NFIA: variants seen among roughly 807,000 people sequenced by gnomAD.
The protein encoded by NFIA is nuclear factor I A.
In NFIA, 8 loss-of-function variants were observed where a neutral mutation model predicts 62.8. That is an observed-to-expected ratio of 0.13 (90% confidence interval 0.07 to 0.23). The LOEUF is 0.23. Among genes scored for constraint, NFIA ranks in the 10% least tolerant of loss-of-function variants. NFIA has a pLI of 1.00. For missense variants in NFIA, 410 were observed against 642.1 expected, an observed-to-expected ratio of 0.64 and a Z score of 3.91; for synonymous variants, 235 against 238.1, an observed-to-expected ratio of 0.99 and a Z score of 0.12.
intron 2 of NFIA, among the ~76,000 whole-genome samples, chr1:61,110,713 T>G (rs150000901): frequency 2.6e-5 from 4 of 152,210 alleles, no homozygotes; most frequent in African/African-American, 9.6e-5. Flanking sequence ...CTGATAAGTT[T>G]CTTACCATGG....
intron 6 of NFIA, among the ~76,000 whole-genome samples, chr1:61,379,107 TATAAC>T (rs1227961598): frequency 6.6e-6 from 1 of 152,178 alleles, no homozygotes; most frequent in African/African-American, 2.4e-5. Flanking sequence ...TGCGGTATAA[TATAAC>T]CTATTCACAA....
chr1:61,359,821 C>A (rs779751429), intron 6 of NFIA, among the ~76,000 whole-genome samples: 4 of 152,050 alleles, frequency 2.6e-5, no homozygotes, highest in African/African-American at 4.8e-5. Context: ...TTAAAAGAGA[C>A]GGGGTTTCAC....
chr1:61,400,920 C>A (rs1665527215), intron 7 of NFIA, among the ~76,000 whole-genome samples: 1 of 152,178 alleles, frequency 6.6e-6, no homozygotes, highest in South Asian at 2.1e-4. Context: ...AGAAGAGAAA[C>A]AAAGTTAGGC....
At chr1:61,310,689 T>TG (rs764475928) in intron 3 of NFIA, among the ~76,000 whole-genome samples, 32 of 152,134 alleles carry the variant, frequency 2.1e-4, no homozygotes, top group Non-Finnish European at 4.0e-4. Flanking sequence ...ACGTGCCACT[T>TG]GCCTTCTTTC....
chr1:61,319,490 C>A (rs1410236158), intron 3 of NFIA, among the ~76,000 whole-genome samples: 1 of 151,992 alleles, frequency 6.6e-6, no homozygotes, highest in African/African-American at 2.4e-5. Flanking sequence ...GAAGTAAGAT[C>A]CCCACTTTAA....
intron 2 of NFIA, among the ~76,000 whole-genome samples, chr1:61,232,180 T>C (rs1184631551): frequency 6.6e-6 from 1 of 152,200 alleles, no homozygotes; most frequent in East Asian, 1.9e-4. Context: ...AATTTACTTC[T>C]ACGTTTGTAG....
At position 61,457,761 on chromosome 1, in the gene NFIA, A is replaced by G. The variant is rs1017077423; in HGVS notation, c.*2441A>G. On this transcript the variant is annotated 3_prime_UTR_variant, in exon 11 of 11. Coordinates refer to ENST00000403491, the MANE Select transcript of NFIA (RefSeq NM_001134673.4). This position sits in a 1 kb window ranked among gnomAD's most constrained non-coding sequence, Gnocchi z 4.2. ...AGGGCTCCTCTTAGAGAAGCAGTCA[A>G]ACTGTGAAGCACTAAGCTGACCCTG... 4 of 152,086 alleles carry G rather than the reference A, an allele frequency of 2.6e-5. No homozygotes were observed. Among genetic ancestry groups the G allele is most frequent in the Admixed American group, 2.0e-4 (3 of 15,262 alleles). The allele number at this position is 152,086 out of a possible 1,614,324, so 9.4% of individuals were successfully genotyped here.
At chr1:61,107,829 T>C (rs1646630456) in intron 2 of NFIA, among the ~76,000 whole-genome samples, 1 of 151,732 alleles carries the variant, frequency 6.6e-6, no homozygotes, top group Non-Finnish European at 1.5e-5. Context: ...CCGGAATTTG[T>C]GTATGGTGTG....
chr1:61,284,024 A>G (rs1358200974), intron 3 of NFIA, among the ~76,000 whole-genome samples: 1 of 152,228 alleles, frequency 6.6e-6, no homozygotes, highest in East Asian at 1.9e-4. Flanking sequence ...CAGTTTATCA[A>G]TATTTCATAA....
chr1:61,169,047 A>C (rs1649770621), intron 2 of NFIA, among the ~76,000 whole-genome samples: 1 of 152,226 alleles, frequency 6.6e-6, no homozygotes, highest in Non-Finnish European at 1.5e-5. Flanking sequence ...AAATGCATAA[A>C]ATAGCAACTT....
Position 61,292,018 on chromosome 1 carries a change from G to A in NFIA, c.625+14433G>A, listed in dbSNP as rs1007136417. Among the ~76,000 whole-genome samples the A allele has an allele frequency of 4.6e-5, 7 of 152,130 alleles. No homozygotes were observed. The South Asian group carries it at 8.3e-4, about 18-fold the overall frequency. ...GTAAATGTCACAGTATACTGAAAGC[G>A]AAGCCAGTGAGAGAGAGTCTGCAGA... On this transcript the variant is annotated intron_variant, in intron 3 of 10. Transcript: ENST00000403491.
At chr1:61,221,153 T>A (rs938181539) in intron 2 of NFIA, among the ~76,000 whole-genome samples, 1 of 152,216 alleles carries the variant, frequency 6.6e-6, no homozygotes, top group Admixed American at 6.5e-5. Context: ...ACTTCATTTA[T>A]AATGTTGTGT....
In NFIA at chr1:61,426,706, T is replaced by C. The variant is rs1408383740; in HGVS notation, c.1512+150T>C. On this transcript the variant is annotated intron_variant, in intron 10 of 10. Coordinates refer to ENST00000403491, the MANE Select transcript of NFIA (RefSeq NM_001134673.4). ...ATCCCACCAGCCACATTTCCATGTG[T>C]TCTCAGAAATCACAGAAAATTTTGC... 11 of 667,146 alleles carry C rather than the reference T, an allele frequency of 1.6e-5. No individual in the cohort carries two copies. The East Asian group carries it at 2.7e-4, about 17-fold the overall frequency. 41.3% of individuals were successfully genotyped at this position (667,146 alleles called of 1,614,324 possible).
At chr1:61,277,230 G>T (rs1657856067) in intron 2 of NFIA, among the ~76,000 whole-genome samples, 1 of 152,212 alleles carries the variant, frequency 6.6e-6, no homozygotes, top group Non-Finnish European at 1.5e-5. Context: ...TTTGGAAATG[G>T]TCTCTCTAAG....
At chr1:61,277,786 C>T (rs1308589922) in intron 3 of NFIA, among the ~76,000 whole-genome samples, 7 of 152,144 alleles carry the variant, frequency 4.6e-5, no homozygotes, top group South Asian at 2.1e-4. Context: ...TCAGGACCCC[C>T]GGCCCTAAAC....
chr1:61,426,423 C>G, intron 9 of NFIA, 42 bp from the exon 10 acceptor site: 1 of 1,353,512 alleles, frequency 7.4e-7, no homozygotes, highest in Non-Finnish European at 1.0e-6. Context: ...TGTGTGCAAT[C>G]TCGTGCCGCT....
At chr1:61,433,151 G>C (rs1181862076) in intron 10 of NFIA, among the ~76,000 whole-genome samples, 1 of 152,182 alleles carries the variant, frequency 6.6e-6, no homozygotes, top group Admixed American at 6.5e-5. Context: ...AAGCCTTGAA[G>C]TTAGTCCCAG....
intron 2 of NFIA, among the ~76,000 whole-genome samples, chr1:61,275,005 G>A (rs1333172684): frequency 6.6e-6 from 1 of 151,984 alleles, no homozygotes; most frequent in Non-Finnish European, 1.5e-5. Flanking sequence ...TAGATCTTTG[G>A]CTTTGCTTGC....
intron 7 of NFIA, among the ~76,000 whole-genome samples, chr1:61,393,585 A>G (rs1391020440): frequency 1.3e-5 from 2 of 152,060 alleles, no homozygotes; most frequent in Non-Finnish European, 2.9e-5. Context: ...TGTTTAAAAG[A>G]CAATGGAGTG....
Sources: gnomAD v4.1 joint callset for allele counts (sites outside exome capture counted in the v4.1 genomes callset) on GRCh38, gnomAD v4.1.1 for gene constraint, Gnocchi (gnomAD v3.1) non-coding constraint, MANE v1.5 for transcripts, NCBI Gene and HGNC (gene_info 2026-07-23, HGNC 2026-07-21) for gene names.